The following FTO variants were observed in gnomAD, a reference collection of about 807,000 sequenced individuals.
FTO encodes the protein FTO alpha-ketoglutarate dependent dioxygenase, also known as alpha-ketoglutarate-dependent dioxygenase FTO.
In FTO, 47 loss-of-function variants were observed where a neutral mutation model predicts 63.9. The ratio of observed to expected loss-of-function variants is 0.74; its 90% CI spans 0.58 to 0.94. The LOEUF (loss-of-function observed/expected upper bound fraction) is 0.94, where lower values mean the gene tolerates loss of function less well. Among genes scored for constraint, FTO ranks in the 40% least tolerant of loss-of-function variants. FTO has a pLI of 0.00. For missense variants in FTO, 562 were observed against 618.1 expected (o/e 0.91, Z 0.96); for synonymous variants, 207 against 224.4 (o/e 0.92, Z 0.69).
At chr16:53,927,662 G>A (rs1224362120) in intron 7 of FTO, among the ~76,000 whole-genome samples, 1 of 152,174 alleles carries the variant, frequency 6.6e-6, no homozygotes, top group Non-Finnish European at 1.5e-5. Flanking sequence ...AATGAGGAAA[G>A]GCATACAGGA....
Position 54,024,955 on chromosome 16 carries a change from T to C in FTO, c.1365-86807T>C, listed in dbSNP as rs888596875. On this transcript the variant is annotated intron_variant, in intron 8 of 8. Coordinates refer to ENST00000471389, the MANE Select transcript of FTO (RefSeq NM_001080432.3). ...TTCTGTATTTAATGAAAAATTTAAA[T>C]CACTTAGGCAATAAGCCATTAAGAA... Among the ~76,000 whole-genome samples the C allele has an allele frequency of 7.9e-5, 12 of 152,232 alleles. 1 individual carries two copies. Among genetic ancestry groups the C allele is most frequent in the Admixed American group, 7.8e-4 (12 of 15,290 alleles).
intron 8 of FTO, among the ~76,000 whole-genome samples, chr16:54,034,451 A>G (rs910403841): frequency 1.3e-5 from 2 of 152,200 alleles, no homozygotes; most frequent in Non-Finnish European, 2.9e-5. Context: ...GCATGAGTAC[A>G]TTGGAATGAG....
At chr16:53,770,721 G>T (rs956420623) in intron 1 of FTO, among the ~76,000 whole-genome samples, 1 of 151,940 alleles carries the variant, frequency 6.6e-6, no homozygotes, top group South Asian at 2.1e-4. Context: ...ATACTGCATT[G>T]AATAACCCAG....
intron 2 of FTO, among the ~76,000 whole-genome samples, chr16:53,814,358 T>A (rs541525154): frequency 6.6e-6 from 1 of 152,204 alleles, no homozygotes; most frequent in Non-Finnish European, 1.5e-5. Flanking sequence ...ACCCCCTTGC[T>A]GTCACTGATT....
chr16:53,720,806 A>G (rs2076022913), intron 1 of FTO, among the ~76,000 whole-genome samples: 1 of 151,636 alleles, frequency 6.6e-6, no homozygotes, highest in Admixed American at 6.6e-5. Flanking sequence ...TCTTTGAGAC[A>G]GAGTCCTGGG....
chr16:53,778,425 T>G (rs1374808696), intron 1 of FTO, among the ~76,000 whole-genome samples: 1 of 152,196 alleles, frequency 6.6e-6, no homozygotes, highest in Non-Finnish European at 1.5e-5. Context: ...TAGTTTAGTT[T>G]GGTACCGCTG....
Position 53,934,127 on chromosome 16 carries a change from A to G in FTO, c.1364+18A>G, listed in dbSNP as rs370690177. The G allele has an allele frequency of 6.2e-7, 1 of 1,613,988 alleles. No individual in the cohort carries two copies. On this transcript the variant is annotated intron_variant, in intron 8 of 8. Coordinates refer to ENST00000471389, the MANE Select transcript of FTO (RefSeq NM_001080432.3). ...CATGCCAGGTTAGTTCTGTTGTGAAATGGGATTTGTTGTTCTTGACAAACA... is the reference window on the plus strand; with the variant it reads ...CATGCCAGGTTAGTTCTGTTGTGAAGTGGGATTTGTTGTTCTTGACAAACA...
At chr16:53,908,912 A>G (rs1050923025) in intron 7 of FTO, among the ~76,000 whole-genome samples, 1 of 152,158 alleles carries the variant, frequency 6.6e-6, no homozygotes, top group Admixed American at 6.5e-5. Context: ...GAGTTCTATT[A>G]TAGCCTTCTG....
chr16:53,888,824 G>T lies in FTO; in HGVS notation c.1120-8G>T, dbSNP rs1235473495. ...TTAAAACCACCATCTTCTCTTTATG[G>T]TCCACAGGTCGAGTTTGAGTGGCTG... On this transcript the variant is annotated splice_polypyrimidine_tract_variant and splice_region_variant and intron_variant, in intron 6 of 8. Coordinates refer to ENST00000471389, the MANE Select transcript of FTO (RefSeq NM_001080432.3). 4.3e-6 allele frequency: 7 copies of T among 1,613,936 alleles called. No individual in the cohort carries two copies. In the South Asian group the frequency reaches 5.5e-5, roughly 13 times the overall value.
chr16:53,898,005 G>A (rs1447866271), intron 7 of FTO, among the ~76,000 whole-genome samples: 1 of 152,054 alleles, frequency 6.6e-6, no homozygotes, highest in Non-Finnish European at 1.5e-5. Context: ...AACTACCATC[G>A]TTTATAAAAT....
intron 8 of FTO, among the ~76,000 whole-genome samples, chr16:54,014,577 G>C (rs1389528047): frequency 6.6e-6 from 1 of 151,946 alleles, no homozygotes. Flanking sequence ...CCCAGCCTCG[G>C]GTGTTCCTTC....
intron 2 of FTO, among the ~76,000 whole-genome samples, chr16:53,816,304 C>T (rs1784668879): frequency 2.0e-5 from 3 of 152,184 alleles, no homozygotes; most frequent in Admixed American, 2.0e-4. Flanking sequence ...CTGGTTCTGC[C>T]TCCTTCCCCT....
rs150320165 is a variant in FTO, at chr16:53,751,335, G to A, written c.45+47106G>A. The stretch of plus-strand genomic sequence containing the variant: ...TAGCCGGGCGTGGTGGCCGGTGCCT[G>A]TAGTCCCAGCTATTTGGGAGGCTGA... On this transcript the variant is annotated intron_variant, in intron 1 of 8. Transcript: ENST00000471389. Among the ~76,000 whole-genome samples, 1,169 of 152,270 alleles carry A rather than the reference G, an allele frequency of 7.7e-3. 16 individuals carry two copies. The highest frequency in any genetic ancestry group is 0.039 in the East Asian group (203 of 5,176).
chr16:53,991,454 C>T (rs1282682566), intron 8 of FTO: 1 of 152,104 alleles, frequency 6.6e-6, no homozygotes, highest in Non-Finnish European at 1.5e-5. Flanking sequence ...ACCAGGAAAA[C>T]AAGGTTGATT....
rs1287663418 is a variant in FTO at position 53,879,846 on chromosome 16, C to T, written c.978C>T (p.Cys326=). The change falls in exon 6 of 9, where the codon TGC becomes TGT. Residue 326 remains cysteine, a splice_region_variant and synonymous_variant. Transcript: ENST00000471389. ...RFSSTHRVAE[C]STGTLDYILQ... is the part of the protein sequence containing the mutation. The stretch of plus-strand genomic sequence containing the variant: ...GATTGCTGGTTCTGTCTCAACAGTG[C>T]TCAACAGGAACCTTGGATTATATTT... The T allele has an allele frequency of 5.0e-6, 8 of 1,613,826 alleles. No homozygotes were observed. The East Asian group carries it at 1.1e-4, about 22-fold the overall frequency.
intron 8 of FTO, among the ~76,000 whole-genome samples, chr16:54,016,050 T>C (rs1489972648): frequency 6.6e-6 from 1 of 152,206 alleles, no homozygotes; most frequent in African/African-American, 2.4e-5. Context: ...CATGTGTTCC[T>C]TCATTTAATC....
At chr16:53,758,195 C>G (rs963950921) in intron 1 of FTO, among the ~76,000 whole-genome samples, 2 of 152,160 alleles carry the variant, frequency 1.3e-5, no homozygotes, top group African/African-American at 4.8e-5. Flanking sequence ...AGTACATATG[C>G]TGCCTAAAGG....
Position 53,803,659 on chromosome 16 carries a change from C to T in FTO, c.46-6481C>T, listed in dbSNP as rs979626285. The stretch of plus-strand genomic sequence containing the variant: ...TGGTGTAGTGGGTGTGGCCTTGTAC[C>T]TGGGAACTAAGAATGTGAGTTGTGA... On this transcript the variant is annotated intron_variant, in intron 1 of 8. Coordinates refer to ENST00000471389, the MANE Select transcript of FTO (RefSeq NM_001080432.3). Among the ~76,000 whole-genome samples the T allele has an allele frequency of 4.6e-5, 7 of 151,998 alleles. No individual in the cohort carries two copies. In the South Asian group the frequency reaches 8.3e-4, roughly 18 times the overall value.
chr16:54,030,627 AC>A (rs61592551), intron 8 of FTO, among the ~76,000 whole-genome samples: 3,413 of 152,190 alleles, frequency 0.022, 142 homozygotes, highest in African/African-American at 0.078. Context: ...TCAAAACCAG[AC>A]CAACCAGTTT....
Sources: gnomAD v4.1 joint callset for allele counts (sites outside exome capture counted in the v4.1 genomes callset) on GRCh38, gnomAD v4.1.1 for gene constraint, MANE v1.5 for transcripts, NCBI Gene and HGNC (gene_info 2026-07-23, HGNC 2026-07-21) for gene names.